The following STT3B variants were observed in gnomAD, a reference collection of about 807,000 sequenced individuals.
The protein encoded by STT3B is STT3 oligosaccharyltransferase complex catalytic subunit B.
Under a neutral mutation model 96.8 loss-of-function variants are expected in STT3B, and 29 were observed. The observed-to-expected ratio is 0.30, with a 90% CI of 0.22 to 0.41. The LOEUF is 0.41. STT3B is among the 10% of genes least tolerant of loss of function. The pLI, the probability that STT3B is intolerant of heterozygous loss-of-function variation, is 1.00. For missense variants in STT3B, 640 were observed against 1,022.3 expected (o/e 0.63, Z 5.10); for synonymous variants, 367 against 360.0 (o/e 1.02, Z -0.22).
rs568625668 is a variant in STT3B, at chr3:31,565,571, T to A, written c.315-10825T>A. Among the ~76,000 whole-genome samples the A allele has an allele frequency of 2.6e-5, 4 of 152,270 alleles. No individual in the cohort carries two copies. The East Asian group carries it at 5.8e-4, about 22-fold the overall frequency. On this transcript the variant is annotated intron_variant, in intron 1 of 15. Transcript: ENST00000295770. ...ATCTGAAGATTGACAGTGGTTGAAT[T>A]GGTTAATATAAGAAGTATGAGAAAG...
intron 5 of STT3B, among the ~76,000 whole-genome samples, chr3:31,605,557 G>A (rs966894202): frequency 2.6e-5 from 4 of 152,064 alleles, no homozygotes; most frequent in African/African-American, 9.7e-5. Context: ...TTTTCTCTTG[G>A]TTTTCATTTC....
At chr3:31,627,295 C>T (rs1196942469) in intron 13 of STT3B, among the ~76,000 whole-genome samples, 3 of 152,160 alleles carry the variant, frequency 2.0e-5, no homozygotes, top group Non-Finnish European at 4.4e-5. Flanking sequence ...ACTGCGCATG[C>T]AGGGGATCTA....
intron 3 of STT3B, among the ~76,000 whole-genome samples, chr3:31,589,399 G>A (rs1025103164): frequency 2.0e-5 from 3 of 151,924 alleles, no homozygotes; most frequent in Non-Finnish European, 4.4e-5. Context: ...AAAAAAGTCA[G>A]CTTCATTTCT....
intron 1 of STT3B, among the ~76,000 whole-genome samples, chr3:31,572,648 G>C (rs560197026): frequency 6.6e-6 from 1 of 152,284 alleles, no homozygotes; most frequent in African/African-American, 2.4e-5. Flanking sequence ...GATTGCTTGA[G>C]CCCAAGAGTT....
intron 5 of STT3B, among the ~76,000 whole-genome samples, chr3:31,602,394 A>C (rs1210157545): frequency 6.6e-6 from 1 of 152,068 alleles, no homozygotes; most frequent in Non-Finnish European, 1.5e-5. Flanking sequence ...TAAATTTAAA[A>C]ATTGGGGATC....
intron 3 of STT3B, among the ~76,000 whole-genome samples, chr3:31,591,330 TTTGTATC>T (rs1406358307): frequency 6.6e-6 from 1 of 152,178 alleles, no homozygotes; most frequent in Admixed American, 6.6e-5. Context: ...AATCAAACTA[TTTGTATC>T]TCTGGATTTT....
At chr3:31,578,341 C>T (rs138764159) in intron 2 of STT3B, among the ~76,000 whole-genome samples, 1 of 152,180 alleles carries the variant, frequency 6.6e-6, no homozygotes, top group African/African-American at 2.4e-5. Flanking sequence ...ACATCAGCAC[C>T]TACTTTGAAT....
Position 31,625,966 on chromosome 3 carries a change from A to T in STT3B, c.1912A>T (p.Met638Leu), listed in dbSNP as rs1235407266. The T allele has an allele frequency of 6.2e-7, 1 of 1,600,828 alleles. No individual in the cohort carries two copies. The highest frequency in any genetic ancestry group is 1.7e-5 in the Admixed American group (1 of 57,232). The change falls in exon 13 of 16, where the codon ATG becomes TTG. Residue 638 changes from methionine to leucine, a missense_variant. Transcript: ENST00000295770. Reference protein sequence around the residue: ...NSHIALVGKAMSSNETAAYKI... With the variant: ...NSHIALVGKALSSNETAAYKI... Reference sequence around the variant, plus strand: ...TTAAATTCTGCAGGTGGGAAAAGCTATGTCTTCTAATGAAACAGCAGCCTA... The same window carrying T: ...TTAAATTCTGCAGGTGGGAAAAGCTTTGTCTTCTAATGAAACAGCAGCCTA...
intron 3 of STT3B, among the ~76,000 whole-genome samples, chr3:31,594,649 C>T (rs574583789): frequency 6.6e-6 from 1 of 151,926 alleles, no homozygotes; most frequent in East Asian, 1.9e-4. Context: ...AGGATGGTCT[C>T]GACCTCGTGA....
At chr3:31,548,933 A>G (rs1363676825) in intron 1 of STT3B, among the ~76,000 whole-genome samples, 1 of 152,248 alleles carries the variant, frequency 6.6e-6, no homozygotes, top group African/African-American at 2.4e-5. Context: ...TGATACTGAT[A>G]TGCAATACAC....
intron 3 of STT3B, among the ~76,000 whole-genome samples, chr3:31,588,541 A>G (rs1438807823): frequency 6.6e-6 from 1 of 152,012 alleles, no homozygotes; most frequent in African/African-American, 2.4e-5. Context: ...GCCATTTGTA[A>G]ATTCTGTTGG....
intron 5 of STT3B, among the ~76,000 whole-genome samples, chr3:31,611,496 T>C (rs918890246): frequency 7.9e-5 from 12 of 152,090 alleles, no homozygotes; most frequent in African/African-American, 2.9e-4. Context: ...GCAGTGGAGA[T>C]TGTGTTTCTT....
intron 1 of STT3B, among the ~76,000 whole-genome samples, chr3:31,542,397 G>A (rs776861612): frequency 6.6e-6 from 1 of 152,166 alleles, no homozygotes; most frequent in Admixed American, 6.5e-5. Flanking sequence ...GTCAATCCTG[G>A]TTTTGAGGTA....
In STT3B at chr3:31,637,223, G is replaced by A. The variant is rs1023023714; in HGVS notation, c.*1159G>A. 7 of 152,104 alleles carry A rather than the reference G, an allele frequency of 4.6e-5. No homozygotes were observed. The highest frequency in any genetic ancestry group is 1.0e-4 in the Non-Finnish European group (7 of 68,004). 9.4% of individuals were successfully genotyped at this position (152,104 alleles called of 1,614,324 possible). The stretch of plus-strand genomic sequence containing the variant: ...CTTGAACATTTTCTCCAGTTGTTTA[G>A]TAAAAGTGAAAGAGAAAGGGTTTTT... On this transcript the variant is annotated 3_prime_UTR_variant, in exon 16 of 16. Transcript: ENST00000295770.
chr3:31,631,515 G>A (rs1419293592), intron 14 of STT3B, among the ~76,000 whole-genome samples: 2 of 152,130 alleles, frequency 1.3e-5, no homozygotes, highest in Non-Finnish European at 2.9e-5. Context: ...CATGTTCCCA[G>A]CATACATTCA....
chr3:31,623,895 T>C (rs1699479279), intron 11 of STT3B, 34 bp downstream of exon 11: 1 of 1,480,270 alleles, frequency 6.8e-7, no homozygotes, highest in Non-Finnish European at 9.2e-7. Context: ...AAACATTTTA[T>C]ACTTACACTT....
chr3:31,553,667 C>T (rs1418716051), intron 1 of STT3B, among the ~76,000 whole-genome samples: 1 of 152,152 alleles, frequency 6.6e-6, no homozygotes, highest in Admixed American at 6.5e-5. Flanking sequence ...AGTTGTCAAA[C>T]CTCATCTAAT....
At chr3:31,606,315 A>G (rs1244668254) in intron 5 of STT3B, among the ~76,000 whole-genome samples, 1 of 152,200 alleles carries the variant, frequency 6.6e-6, no homozygotes, top group Non-Finnish European at 1.5e-5. Flanking sequence ...AGTGGGGGAA[A>G]TGTCTCCAGG....
intron 3 of STT3B, among the ~76,000 whole-genome samples, chr3:31,587,903 A>G (rs1325761152): frequency 6.6e-6 from 1 of 152,150 alleles, no homozygotes; most frequent in Non-Finnish European, 1.5e-5. Flanking sequence ...AATCTTTTTC[A>G]TGACTACTTG....
Sources: allele counts gnomAD v4.1 joint callset (sites outside exome capture counted in the v4.1 genomes callset), GRCh38; gene constraint gnomAD v4.1.1; transcripts MANE v1.5; gene names NCBI Gene and HGNC (gene_info 2026-07-23, HGNC 2026-07-21).